PAIP2B: variants seen among roughly 807,000 people sequenced by gnomAD.
The protein encoded by PAIP2B is polyadenylate-binding protein-interacting protein 2B.
In PAIP2B, 13 loss-of-function variants were observed where a neutral mutation model predicts 17.0. The observed-to-expected ratio is 0.76, with a 90% CI of 0.50 to 1.22. The LOEUF (loss-of-function observed/expected upper bound fraction) is 1.22. Ranked by LOEUF, PAIP2B falls within the 50% of genes most tolerant of loss-of-function variation. The pLI is 0.00. For synonymous variants in PAIP2B, 43 were observed against 48.7 expected (o/e 0.88, Z 0.48); for missense variants, 117 against 144.5 (o/e 0.81, Z 0.98).
At chr2:71,197,528 C>T (rs1674852492) in intron 2 of PAIP2B, among the ~76,000 whole-genome samples, 1 of 152,262 alleles carries the variant, frequency 6.6e-6, no homozygotes, top group Non-Finnish European at 1.5e-5. Flanking sequence ...CAGGAGTTCT[C>T]TGTATTTTCT....
chr2:71,194,459 T>TTG (rs141924993), intron 2 of PAIP2B, among the ~76,000 whole-genome samples: 55,111 of 143,166 alleles, frequency 0.38, 10,738 homozygotes, highest in Admixed American at 0.52. Flanking sequence ...TATTCCTAGG[T>TTG]TGTGTGTGTG....
intron 1 of PAIP2B, among the ~76,000 whole-genome samples, chr2:71,206,643 C>T (rs904311815): frequency 6.6e-6 from 1 of 152,172 alleles, no homozygotes; most frequent in African/African-American, 2.4e-5. Context: ...CAGTTTAACA[C>T]TTTAAACACC....
chr2:71,188,989 T>G (rs1397859476), intron 3 of PAIP2B, among the ~76,000 whole-genome samples: 4 of 151,294 alleles, frequency 2.6e-5, no homozygotes, highest in Non-Finnish European at 4.4e-5. Flanking sequence ...GTATGAAAAC[T>G]ATATTGCTCA....
chr2:71,221,861 A>T (rs985954901), intron 1 of PAIP2B, among the ~76,000 whole-genome samples: 5 of 149,930 alleles, frequency 3.3e-5, no homozygotes, highest in Non-Finnish European at 7.5e-5. Flanking sequence ...AAAATGCGCC[A>T]ATCAGCGCTC....
At chr2:71,210,791 A>G (rs1675274839) in intron 1 of PAIP2B, among the ~76,000 whole-genome samples, 1 of 152,232 alleles carries the variant, frequency 6.6e-6, no homozygotes, top group Admixed American at 6.5e-5. Context: ...AACTTGTCCT[A>G]TACTGACCTA....
At chr2:71,221,241 T>G (rs979713147) in intron 1 of PAIP2B, among the ~76,000 whole-genome samples, 2 of 152,260 alleles carry the variant, frequency 1.3e-5, no homozygotes, top group African/African-American at 4.8e-5. Flanking sequence ...TTGTTTTTAT[T>G]TGTTCTTTGT....
intron 2 of PAIP2B, among the ~76,000 whole-genome samples, chr2:71,196,026 CT>C (rs1485516984): frequency 6.6e-6 from 1 of 152,148 alleles, no homozygotes; most frequent in Non-Finnish European, 1.5e-5. Context: ...CAGTTCATCT[CT>C]GATTTTTGTT....
rs1183346184 is a variant in PAIP2B at position 71,188,424 on chromosome 2, G to A, written c.*55C>T. The A allele has an allele frequency of 7.1e-7, 1 of 1,412,738 alleles. No individual in the cohort carries two copies. The highest frequency in any genetic ancestry group is 1.4e-5 in the African/African-American group (1 of 70,344). The allele number at this position is 1,412,738 out of a possible 1,614,324, so 87.5% of individuals were successfully genotyped here. ...CCCCTCTTCAGCTCCACCATTTTGT[G>A]CATTACTATCCCCAGATGTGGGGAC... is the stretch of plus-strand genomic sequence containing the variant. On this transcript the variant is annotated 3_prime_UTR_variant, in exon 4 of 4. Transcript: ENST00000244221.
intron 1 of PAIP2B, among the ~76,000 whole-genome samples, chr2:71,223,082 C>A (rs1473637970): frequency 1.3e-5 from 2 of 152,148 alleles, no homozygotes; most frequent in Non-Finnish European, 2.9e-5. Context: ...ATCCACAGGG[C>A]AGGACCTTAA....
chr2:71,202,658 C>A, intron 1 of PAIP2B, 58 bp from the exon 2 acceptor site: 1 of 1,408,192 alleles, frequency 7.1e-7, no homozygotes, highest in South Asian at 1.3e-5. Flanking sequence ...AATGTAGAGA[C>A]CTAAAACATG....
At chr2:71,212,731 G>C (rs1675332663) in intron 1 of PAIP2B, among the ~76,000 whole-genome samples, 1 of 150,520 alleles carries the variant, frequency 6.6e-6, no homozygotes, top group Non-Finnish European at 1.5e-5. Flanking sequence ...TGAGATAACA[G>C]GCATGAGCCA....
At chr2:71,221,200 C>A (rs900977882) in intron 1 of PAIP2B, among the ~76,000 whole-genome samples, 3 of 152,250 alleles carry the variant, frequency 2.0e-5, no homozygotes, top group African/African-American at 7.2e-5. Flanking sequence ...CAAGCCCATT[C>A]ATAGTTTTTC....
intron 2 of PAIP2B, among the ~76,000 whole-genome samples, chr2:71,191,958 C>T (rs1674697661): frequency 6.6e-6 from 1 of 152,212 alleles, no homozygotes; most frequent in Admixed American, 6.5e-5. Flanking sequence ...CTATTTCAGA[C>T]TCACATCCTG....
At chr2:71,197,975 G>T (rs1025556884) in intron 2 of PAIP2B, among the ~76,000 whole-genome samples, 1 of 152,200 alleles carries the variant, frequency 6.6e-6, no homozygotes, top group East Asian at 1.9e-4. Context: ...TATCAATCCT[G>T]AAATATATCT....
At chr2:71,191,827 C>G (rs1208774500) in intron 2 of PAIP2B, among the ~76,000 whole-genome samples, 2 of 152,168 alleles carry the variant, frequency 1.3e-5, no homozygotes, top group Non-Finnish European at 2.9e-5. Context: ...CAAGTGGGCA[C>G]CAGATCACTT....
intron 2 of PAIP2B, among the ~76,000 whole-genome samples, chr2:71,194,708 C>A (rs565662196): frequency 6.6e-6 from 1 of 152,228 alleles, no homozygotes; most frequent in South Asian, 2.1e-4. Flanking sequence ...TCCTCTCTTC[C>A]TATTTGGATG....
intron 1 of PAIP2B, among the ~76,000 whole-genome samples, chr2:71,211,135 T>C (rs1023792765): frequency 2.0e-5 from 3 of 151,936 alleles, no homozygotes; most frequent in Non-Finnish European, 4.4e-5. Flanking sequence ...TAATCCCAGC[T>C]ATTCGGGGAG....
chr2:71,188,902 C>T (rs988156157), intron 3 of PAIP2B, among the ~76,000 whole-genome samples: 4 of 152,090 alleles, frequency 2.6e-5, no homozygotes, highest in Admixed American at 2.0e-4. Context: ...TTTCTGTACT[C>T]TCTTTGGTTC....
Position 71,210,483 on chromosome 2 carries a change from A to G in PAIP2B, c.-11-7883T>C, listed in dbSNP as rs552193646. Among the ~76,000 whole-genome samples the G allele has an allele frequency of 2.6e-5, 4 of 152,360 alleles. No individual in the cohort carries two copies. In the East Asian group the frequency reaches 7.7e-4, roughly 29 times the overall value. ...ATTGACCTCAATGCACAAATGTTCC[A>G]TTGGCTATCTTCCATTTGATGCAAG... On this transcript the variant is annotated intron_variant, in intron 1 of 3. Coordinates refer to ENST00000244221, the MANE Select transcript of PAIP2B (RefSeq NM_020459.1).
Sources: gnomAD v4.1 joint callset for allele counts (sites outside exome capture counted in the v4.1 genomes callset) on GRCh38, gnomAD v4.1.1 for gene constraint, MANE v1.5 for transcripts, NCBI Gene and HGNC (gene_info 2026-07-23, HGNC 2026-07-21) for gene names.